PAK5: variants seen among roughly 807,000 people sequenced by gnomAD.
PAK5 encodes the protein serine/threonine-protein kinase PAK 5.
PAK5 carries 16 observed loss-of-function variants against 65.9 expected under a neutral mutation model. The observed-to-expected ratio is 0.24, with a 90% CI of 0.16 to 0.37. The LOEUF (loss-of-function observed/expected upper bound fraction) is 0.37, where lower values mean the gene tolerates loss of function less well. Ranked by LOEUF, PAK5 falls within the 10% of genes least tolerant of loss-of-function variation. PAK5 has a pLI of 1.00. For missense variants in PAK5, 785 were observed against 903.9 expected (o/e 0.87, Z 1.69); for synonymous variants, 371 against 354.9 (o/e 1.05, Z -0.51).
At chr20:9,662,750 T>C (rs2047363235) in intron 2 of PAK5, among the ~76,000 whole-genome samples, 1 of 152,160 alleles carries the variant, frequency 6.6e-6, no homozygotes, top group African/African-American at 2.4e-5. Flanking sequence ...GTTATAACAA[T>C]GGGCATTACT....
At chr20:9,658,818 G>A (rs1254079268) in intron 2 of PAK5, among the ~76,000 whole-genome samples, 3 of 152,116 alleles carry the variant, frequency 2.0e-5, no homozygotes, top group Non-Finnish European at 4.4e-5. Flanking sequence ...TATTTTTAAA[G>A]ATGAGCACAA....
At chr20:9,635,894 C>T (rs1369700889) in intron 3 of PAK5, among the ~76,000 whole-genome samples, 1 of 152,174 alleles carries the variant, frequency 6.6e-6, no homozygotes, top group Non-Finnish European at 1.5e-5. Context: ...CATGAGGGGG[C>T]AGCCCCAGCT....
intron 2 of PAK5, among the ~76,000 whole-genome samples, chr20:9,669,764 G>C (rs368487541): frequency 9.2e-5 from 14 of 151,700 alleles, no homozygotes; most frequent in African/African-American, 3.4e-4. Flanking sequence ...TATTTATTTT[G>C]ATTTTTAAAA....
At chr20:9,596,948 C>G (rs2046280985) in intron 3 of PAK5, among the ~76,000 whole-genome samples, 1 of 152,200 alleles carries the variant, frequency 6.6e-6, no homozygotes, top group Non-Finnish European at 1.5e-5. Context: ...CTAACAAGCT[C>G]TTAGGTGAGG....
chr20:9,625,340 T>C (rs947539052), intron 3 of PAK5, among the ~76,000 whole-genome samples: 1 of 152,194 alleles, frequency 6.6e-6, no homozygotes, highest in Non-Finnish European at 1.5e-5. Flanking sequence ...AATAATCCAT[T>C]GAGGATCTAC....
At chr20:9,722,979 C>G (rs551746797) in intron 1 of PAK5, among the ~76,000 whole-genome samples, 1 of 152,188 alleles carries the variant, frequency 6.6e-6, no homozygotes, top group African/African-American at 2.4e-5. Flanking sequence ...GATCCTCCCC[C>G]CCTCATTCTC....
chr20:9,755,043 G>A (rs898051958), intron 1 of PAK5, among the ~76,000 whole-genome samples: 1 of 152,166 alleles, frequency 6.6e-6, no homozygotes, highest in African/African-American at 2.4e-5. Context: ...TAACGAAGAT[G>A]TTTAAAAAGT....
At chr20:9,654,433 C>T (rs1483850983) in intron 2 of PAK5, among the ~76,000 whole-genome samples, 1 of 152,126 alleles carries the variant, frequency 6.6e-6, no homozygotes, top group African/African-American at 2.4e-5. Flanking sequence ...AGGATGATGA[C>T]GTCTTGCTGG....
Position 9,636,515 on chromosome 20 carries a change from C to T in PAK5, c.204+7610G>A, listed in dbSNP as rs545633454. Among the ~76,000 whole-genome samples, 24 of 152,242 alleles carry T rather than the reference C, an allele frequency of 1.6e-4. No individual in the cohort carries two copies. The South Asian group carries it at 4.4e-3, about 28-fold the overall frequency. ...AAAGATTATAAAATACCGAAGACTA[C>T]AAAGACAAACAAAACTAAGTCAGAG... On this transcript the variant is annotated intron_variant, in intron 3 of 9. Coordinates refer to ENST00000353224, the MANE Select transcript of PAK5 (RefSeq NM_177990.4).
At chr20:9,695,224 C>T (rs922562127) in intron 2 of PAK5, among the ~76,000 whole-genome samples, 8 of 152,010 alleles carry the variant, frequency 5.3e-5, no homozygotes, top group Non-Finnish European at 1.0e-4. Context: ...ACATTAGGTT[C>T]TCTTCCTTTT....
intron 1 of PAK5, among the ~76,000 whole-genome samples, chr20:9,826,441 C>G (rs189658546): frequency 6.6e-6 from 1 of 152,150 alleles, no homozygotes; most frequent in East Asian, 1.9e-4. Flanking sequence ...GTGATTCTTT[C>G]GACCAGTGTA....
intron 1 of PAK5, among the ~76,000 whole-genome samples, chr20:9,729,189 T>G (rs6056832): frequency 6.6e-6 from 1 of 151,648 alleles, no homozygotes; most frequent in Non-Finnish European, 1.5e-5. Context: ...GAGCCAAAAT[T>G]GTGCCACTGC....
chr20:9,741,589 TCTATAAATTAAAGATTAATAC>T (rs937918007), intron 1 of PAK5, among the ~76,000 whole-genome samples: 4 of 152,174 alleles, frequency 2.6e-5, no homozygotes, highest in African/African-American at 9.7e-5. Context: ...AATTTTTTCA[TCTATAAATTAAAGATTAATAC>T]CTGTCCAGAC....
At chr20:9,727,062 G>A (rs771485504) in intron 1 of PAK5, among the ~76,000 whole-genome samples, 7 of 151,986 alleles carry the variant, frequency 4.6e-5, no homozygotes, top group Non-Finnish European at 1.0e-4. Flanking sequence ...ACCAATCTTA[G>A]CATTTGAATA....
chr20:9,724,538 T>A (rs965270887), intron 1 of PAK5, among the ~76,000 whole-genome samples: 2 of 152,206 alleles, frequency 1.3e-5, no homozygotes, highest in Non-Finnish European at 2.9e-5. Flanking sequence ...CAAATAAGAA[T>A]TTTTAACAAT....
chr20:9,821,074 G>T (rs1005710904), intron 1 of PAK5, among the ~76,000 whole-genome samples: 1 of 152,116 alleles, frequency 6.6e-6, no homozygotes, highest in Non-Finnish European at 1.5e-5. Context: ...GTGTAAAACA[G>T]GTTTCCTGTC....
chr20:9,820,541 CATTT>C lies in PAK5; in HGVS notation c.-162+18217_-162+18220del, dbSNP rs777682290. Among the ~76,000 whole-genome samples the C allele has an allele frequency of 8.2e-4, 125 of 152,304 alleles. 1 individual carries two copies. In the Middle Eastern group the frequency reaches 0.017, roughly 21 times the overall value. On this transcript the variant is annotated intron_variant, in intron 1 of 9. Coordinates refer to ENST00000353224, the MANE Select transcript of PAK5 (RefSeq NM_177990.4). ...TAGGTCACAGAATTCTTATTGAATT[CATTT>C]GTTTAGTAAAAATTTATTGAGCAAC...
At chr20:9,572,688 C>T (rs983560848) in intron 4 of PAK5, among the ~76,000 whole-genome samples, 4 of 152,200 alleles carry the variant, frequency 2.6e-5, no homozygotes, top group African/African-American at 9.7e-5. Flanking sequence ...ATGATCCAAA[C>T]CATTTCCAAA....
intron 1 of PAK5, among the ~76,000 whole-genome samples, chr20:9,796,569 T>C (rs1230601206): frequency 6.6e-6 from 1 of 152,042 alleles, no homozygotes; most frequent in Non-Finnish European, 1.5e-5. Flanking sequence ...TAGTAGGAAA[T>C]TACTAAGTGA....
Sources: allele counts gnomAD v4.1 joint callset (sites outside exome capture counted in the v4.1 genomes callset), GRCh38; gene constraint gnomAD v4.1.1; transcripts MANE v1.5; gene names NCBI Gene and HGNC (gene_info 2026-07-23, HGNC 2026-07-21).